ESRRG: variants seen among roughly 807,000 people sequenced by gnomAD.
ESRRG encodes the protein estrogen-related receptor gamma.
ESRRG carries 13 observed loss-of-function variants against 44.0 expected under a neutral mutation model. The observed-to-expected ratio is 0.30, with a 90% CI of 0.19 to 0.47. The LOEUF (loss-of-function observed/expected upper bound fraction) is 0.47, where lower values mean the gene tolerates loss of function less well. Among genes scored for constraint, ESRRG ranks in the 20% least tolerant of loss-of-function variants. ESRRG has a pLI of 1.00. For synonymous variants in ESRRG, 215 were observed against 214.6 expected, an observed-to-expected ratio of 1.00 and a Z score of -0.02; for missense variants, 395 against 580.6, an observed-to-expected ratio of 0.68 and a Z score of 3.29.
At chr1:216,973,473 G>A (rs1212616570) in intron 1 of ESRRG, among the ~76,000 whole-genome samples, 4 of 152,088 alleles carry the variant, frequency 2.6e-5, no homozygotes, top group South Asian at 2.1e-4. Context: ...TTGTCAGGTC[G>A]CTGCTGTTGC....
chr1:216,775,509 C>CTGACAGCA (rs2093569978), intron 2 of ESRRG, among the ~76,000 whole-genome samples: 1 of 148,548 alleles, frequency 6.7e-6, no homozygotes, highest in South Asian at 2.1e-4. Context: ...TTGCTCAACC[C>CTGACAGCA]TGACAGCATG....
At chr1:217,010,713 A>G (rs1352161866) in intron 1 of ESRRG, among the ~76,000 whole-genome samples, 1 of 152,222 alleles carries the variant, frequency 6.6e-6, no homozygotes, top group Non-Finnish European at 1.5e-5. Context: ...CCGTGAAAAG[A>G]AGCTATAGAA....
intron 2 of ESRRG, among the ~76,000 whole-genome samples, chr1:216,654,976 C>T (rs1347997064): frequency 6.6e-6 from 1 of 152,082 alleles, no homozygotes; most frequent in East Asian, 1.9e-4. Context: ...AATGACTCAT[C>T]TAGGAATAAT....
At chr1:217,044,685 G>C (rs1367193804) in intron 1 of ESRRG, among the ~76,000 whole-genome samples, 3 of 152,050 alleles carry the variant, frequency 2.0e-5, no homozygotes, top group Non-Finnish European at 4.4e-5. Context: ...TTTCTGACTG[G>C]CACTTTTTAA....
intron 2 of ESRRG, among the ~76,000 whole-genome samples, chr1:216,790,431 C>T (rs1293301023): frequency 6.6e-6 from 1 of 152,004 alleles, no homozygotes; most frequent in African/African-American, 2.4e-5. Flanking sequence ...TGCTTTCATA[C>T]AAACATAAAA....
upstream of ESRRG, among the ~76,000 whole-genome samples, chr1:217,090,863 T>C (rs1314224407): frequency 6.6e-6 from 1 of 152,244 alleles, no homozygotes; most frequent in African/African-American, 2.4e-5. Context: ...TCTGTTATTT[T>C]TATAATTATG....
intron 1 of ESRRG, among the ~76,000 whole-genome samples, chr1:217,047,473 C>A (rs1000656731): frequency 4.6e-5 from 7 of 152,130 alleles, no homozygotes; most frequent in African/African-American, 1.7e-4. Context: ...TCAATCCCAC[C>A]TTCTAGATAT....
chr1:216,712,500 C>T (rs750397460), intron 1 of ESRRG, among the ~76,000 whole-genome samples: 13 of 151,978 alleles, frequency 8.6e-5, no homozygotes, highest in Admixed American at 1.3e-4. Context: ...GTAGTATTGG[C>T]GACGTGATGA....
At chr1:216,581,729 G>T (rs957219309) in intron 3 of ESRRG, among the ~76,000 whole-genome samples, 1 of 152,194 alleles carries the variant, frequency 6.6e-6, no homozygotes, top group Non-Finnish European at 1.5e-5. Context: ...ACTGCTCAGT[G>T]CCAGTTAGAT....
rs182209311 is a variant in ESRRG at position 216,655,996 on chromosome 1, T to G, written c.473-4907A>C. ...GGTAACAATGTTACGTCTATTTTGGTAATGGTTCAAAGACATGACTCCCAG... is the reference window on the plus strand; with the variant it reads ...GGTAACAATGTTACGTCTATTTTGGGAATGGTTCAAAGACATGACTCCCAG... On this transcript the variant is annotated intron_variant, in intron 2 of 6. Coordinates refer to ENST00000408911, the MANE Select transcript of ESRRG (RefSeq NM_001438.4). 1.7e-4 allele frequency among the ~76,000 whole-genome samples: 26 copies of G among 152,300 alleles called. No individual in the cohort carries two copies. In the East Asian group the frequency reaches 5.0e-3, roughly 29 times the overall value.
intron 1 of ESRRG, among the ~76,000 whole-genome samples, chr1:217,064,370 CAT>C (rs549152056): frequency 6.6e-6 from 1 of 151,940 alleles, no homozygotes; most frequent in African/African-American, 2.4e-5. Context: ...TATACACACA[CAT>C]ATATATAATT....
At chr1:216,648,335 G>GT in intron 3 of ESRRG, among the ~76,000 whole-genome samples, 3 of 152,192 alleles carry the variant, frequency 2.0e-5, no homozygotes, top group Admixed American at 2.0e-4. Context: ...GGGGGAGGTG[G>GT]TTAAAAAACT....
chr1:216,715,172 A>G, intron 1 of ESRRG: 1 of 985,296 alleles, frequency 1.0e-6, no homozygotes, highest in Non-Finnish European at 1.2e-6. Context: ...TGTGTAGTTC[A>G]GTACAATTCA....
intron 3 of ESRRG, among the ~76,000 whole-genome samples, chr1:216,621,836 T>G (rs544142198): frequency 1.3e-4 from 20 of 152,318 alleles, no homozygotes; most frequent in African/African-American, 3.6e-4. Context: ...AATTCTGCCT[T>G]AGGAATGTTT....
chr1:216,509,794 C>T (rs913474331), intron 6 of ESRRG, among the ~76,000 whole-genome samples: 1 of 152,184 alleles, frequency 6.6e-6, no homozygotes, highest in African/African-American at 2.4e-5. Context: ...AATGCAAACT[C>T]ACTAAATTTG....
At chr1:216,678,025 A>C (rs1233260791) in intron 1 of ESRRG, among the ~76,000 whole-genome samples, 1 of 152,210 alleles carries the variant, frequency 6.6e-6, no homozygotes, top group East Asian at 1.9e-4. Flanking sequence ...GATGATCCTC[A>C]GCTCTGTAAT....
intron 3 of ESRRG, among the ~76,000 whole-genome samples, chr1:216,579,672 G>C (rs2062364959): frequency 6.6e-6 from 1 of 152,142 alleles, no homozygotes. Flanking sequence ...ATGAGGGGTT[G>C]TAGGATGGGC....
intron 2 of ESRRG, among the ~76,000 whole-genome samples, chr1:216,927,925 T>G (rs1204541842): frequency 6.6e-6 from 1 of 152,138 alleles, no homozygotes; most frequent in African/African-American, 2.4e-5. Flanking sequence ...GGGAAAAGAG[T>G]TTAATCCAGT....
chr1:216,506,397 A>G lies in ESRRG; in HGVS notation c.*542T>C. On this transcript the variant is annotated 3_prime_UTR_variant, in exon 7 of 7. Transcript: ENST00000408911. ...CTCTCTTCAGTTAGAGACCTCTTTT[A>G]AAAGTTCAGCAGCAGAAGGAAGAAA... The G allele has an allele frequency of 3.3e-6, 1 of 305,330 alleles. No individual in the cohort carries two copies. Among genetic ancestry groups the G allele is most frequent in the South Asian group, 3.0e-5 (1 of 33,528 alleles). 18.9% of individuals were successfully genotyped at this position (305,330 alleles called of 1,614,324 possible).
Sources: allele counts gnomAD v4.1 joint callset (sites outside exome capture counted in the v4.1 genomes callset), GRCh38; gene constraint gnomAD v4.1.1; transcripts MANE v1.5; gene names NCBI Gene and HGNC (gene_info 2026-07-23, HGNC 2026-07-21).